The following IMMP2L variants were observed in gnomAD, a reference collection of about 807,000 sequenced individuals.
The protein encoded by IMMP2L is mitochondrial inner membrane protease subunit 2.
IMMP2L carries 18 observed loss-of-function variants against 19.3 expected under a neutral mutation model. That is an observed-to-expected ratio of 0.93 (90% CI 0.64 to 1.38). The LOEUF (loss-of-function observed/expected upper bound fraction) is 1.38. IMMP2L is among the 40% of genes most tolerant of loss of function. The pLI, the probability that IMMP2L is intolerant of heterozygous loss-of-function variation, is 0.00. For synonymous variants in IMMP2L, 76 were observed against 73.0 expected, an observed-to-expected ratio of 1.04 and a Z score of -0.21; for missense variants, 233 against 218.2, an observed-to-expected ratio of 1.07 and a Z score of -0.43.
chr7:111,463,654 C>G (rs1410075183), intron 3 of IMMP2L, among the ~76,000 whole-genome samples: 1 of 152,150 alleles, frequency 6.6e-6, no homozygotes, highest in Non-Finnish European at 1.5e-5. Flanking sequence ...TAATTCCATT[C>G]CCACCTCTTT....
chr7:111,249,757 T>C (rs916433636), intron 3 of IMMP2L, among the ~76,000 whole-genome samples: 3 of 152,142 alleles, frequency 2.0e-5, no homozygotes, highest in Non-Finnish European at 1.5e-5. Context: ...TGAAAGAGCA[T>C]ACCTCAAAAT....
At chr7:110,776,509 A>G (rs1799398921) in intron 5 of IMMP2L, among the ~76,000 whole-genome samples, 1 of 152,000 alleles carries the variant, frequency 6.6e-6, no homozygotes. Flanking sequence ...TCCTACCACT[A>G]TAATACTGTT....
intron 3 of IMMP2L, among the ~76,000 whole-genome samples, chr7:111,404,167 G>T (rs1833713837): frequency 6.6e-6 from 1 of 152,056 alleles, no homozygotes; most frequent in Admixed American, 6.6e-5. Flanking sequence ...ATATTTTGGA[G>T]TAAAAAGGAT....
intron 3 of IMMP2L, among the ~76,000 whole-genome samples, chr7:111,109,719 T>C (rs1798969821): frequency 1.3e-5 from 2 of 152,204 alleles, no homozygotes. Flanking sequence ...TAAGGTCATA[T>C]ATGAAAATTG....
chr7:110,993,297 T>G (rs1400636173), intron 3 of IMMP2L, among the ~76,000 whole-genome samples: 2 of 152,120 alleles, frequency 1.3e-5, no homozygotes, highest in Non-Finnish European at 2.9e-5. Context: ...AGTACATAAG[T>G]TAACTGTACA....
chr7:110,714,267 A>G (rs1206484052), intron 5 of IMMP2L, among the ~76,000 whole-genome samples: 1 of 152,226 alleles, frequency 6.6e-6, no homozygotes, highest in Non-Finnish European at 1.5e-5. Flanking sequence ...CATCCTAGGA[A>G]TGAAGCCTAC....
At chr7:110,694,175 A>G (rs543269391) in intron 5 of IMMP2L, among the ~76,000 whole-genome samples, 1 of 152,090 alleles carries the variant, frequency 6.6e-6, no homozygotes, top group South Asian at 2.1e-4. Context: ...TTCCAATTCA[A>G]GTTTTTACCT....
chr7:110,813,502 A>G (rs1271886011), intron 5 of IMMP2L, among the ~76,000 whole-genome samples: 5 of 151,546 alleles, frequency 3.3e-5, no homozygotes, highest in African/African-American at 1.2e-4. Context: ...ATCATAGCAC[A>G]CAGTGGCCCT....
chr7:110,990,741 T>C (rs1670508298), intron 3 of IMMP2L, among the ~76,000 whole-genome samples: 1 of 152,158 alleles, frequency 6.6e-6, no homozygotes, highest in African/African-American at 2.4e-5. Context: ...TACACCAGGA[T>C]TGGCTTTTAA....
At chr7:111,082,845 G>T (rs1443114070) in intron 3 of IMMP2L, among the ~76,000 whole-genome samples, 1 of 142,862 alleles carries the variant, frequency 7.0e-6, no homozygotes, top group Non-Finnish European at 1.5e-5. Context: ...AGAAAGATAA[G>T]CGATTTTGCC....
intron 1 of IMMP2L, among the ~76,000 whole-genome samples, chr7:111,541,051 T>G (rs1178869951): frequency 6.6e-6 from 1 of 152,158 alleles, no homozygotes; most frequent in Admixed American, 6.6e-5. Flanking sequence ...GAAATAAGAT[T>G]TGGATTCAAG....
chr7:111,485,234 C>T (rs530992220), intron 3 of IMMP2L, among the ~76,000 whole-genome samples: 45 of 152,182 alleles, frequency 3.0e-4, no homozygotes, highest in African/African-American at 1.0e-3. Context: ...AATGGCTCCT[C>T]CTAAGAACAA....
At chr7:111,263,772 C>A (rs112612573) in intron 3 of IMMP2L, among the ~76,000 whole-genome samples, 3 of 151,910 alleles carry the variant, frequency 2.0e-5, no homozygotes, top group Non-Finnish European at 4.4e-5. Flanking sequence ...GACTGAGTAG[C>A]GACTAGGGAA....
chr7:110,783,046 G>A (rs1486674904), intron 5 of IMMP2L, among the ~76,000 whole-genome samples: 1 of 151,842 alleles, frequency 6.6e-6, no homozygotes, highest in Non-Finnish European at 1.5e-5. Flanking sequence ...AGCTGGAAAT[G>A]TGCGTTCTTG....
chr7:111,284,532 A>G (rs1820279530), intron 3 of IMMP2L, among the ~76,000 whole-genome samples: 1 of 152,148 alleles, frequency 6.6e-6, no homozygotes, highest in Non-Finnish European at 1.5e-5. Context: ...GGAAGAGTTT[A>G]GGGAGGAATG....
At chr7:111,270,684 T>C (rs1473167438) in intron 3 of IMMP2L, among the ~76,000 whole-genome samples, 2 of 152,162 alleles carry the variant, frequency 1.3e-5, no homozygotes, top group Non-Finnish European at 1.5e-5. Flanking sequence ...ATCAAAGTAA[T>C]TTCTACATGA....
chr7:110,945,251 A>C (rs10953671), intron 4 of IMMP2L, among the ~76,000 whole-genome samples: 29,376 of 151,908 alleles, frequency 0.19, 6,375 homozygotes, highest in African/African-American at 0.53. Context: ...TTTTTTAAAA[A>C]GCAGGAATGC....
chr7:111,088,046 CAAGGTAAGGAT>C (rs1047680308), intron 3 of IMMP2L, among the ~76,000 whole-genome samples: 7 of 152,082 alleles, frequency 4.6e-5, no homozygotes, highest in African/African-American at 1.4e-4. Flanking sequence ...TAGGAAGTGG[CAAGGTAAGGAT>C]TCAAACCCAG....
chr7:110,736,360 G>A (rs1371065062), intron 5 of IMMP2L, among the ~76,000 whole-genome samples: 1 of 152,182 alleles, frequency 6.6e-6, no homozygotes, highest in Non-Finnish European at 1.5e-5. Context: ...TAGGGCTGGG[G>A]ATGCCGAAAA....
Sources: gnomAD v4.1 joint callset for allele counts (sites outside exome capture counted in the v4.1 genomes callset) on GRCh38, gnomAD v4.1.1 for gene constraint, MANE v1.5 for transcripts, NCBI Gene and HGNC (gene_info 2026-07-23, HGNC 2026-07-21) for gene names.